SERGEF: variants seen among roughly 807,000 people sequenced by gnomAD.
SERGEF encodes secretion regulating guanine nucleotide exchange factor, also known as secretion-regulating guanine nucleotide exchange factor.
In SERGEF, 51 loss-of-function variants were observed where a neutral mutation model predicts 50.0. The ratio of observed to expected loss-of-function variants is 1.02; its 90% CI spans 0.81 to 1.29. The LOEUF is 1.29. Among genes scored for constraint, SERGEF ranks in the 50% most tolerant of loss-of-function variants. SERGEF has a pLI of 0.00. For missense variants in SERGEF, 521 were observed against 557.0 expected (o/e 0.94, Z 0.65); for synonymous variants, 205 against 212.4 (o/e 0.97, Z 0.30).
chr11:17,792,092 G>T (rs555653344), intron 10 of SERGEF, among the ~76,000 whole-genome samples: 154 of 152,260 alleles, frequency 1.0e-3, no homozygotes, highest in African/African-American at 3.7e-3. Flanking sequence ...AACTTGTTTT[G>T]CAGACCACTC....
At position 17,991,561 on chromosome 11, in the gene SERGEF, C is replaced by T. The variant is rs1470623241; in HGVS notation, c.685+1370G>A. Among the ~76,000 whole-genome samples, 1 of 152,174 alleles carries T rather than the reference C, an allele frequency of 6.6e-6. No homozygotes were observed. Among genetic ancestry groups the T allele is most frequent in the Non-Finnish European group, 1.5e-5 (1 of 68,036 alleles). On this transcript the variant is annotated intron_variant, in intron 7 of 10. Coordinates refer to ENST00000265965, the MANE Select transcript of SERGEF (RefSeq NM_012139.4). This position sits in a 1 kb window ranked among gnomAD's most constrained non-coding sequence, Gnocchi z 4.9. ...GTAAAAGGAAGGGAGGAACTGGATA[C>T]CCACTGGAGTCCCTTATAGTTGGCA... is the stretch of plus-strand genomic sequence containing the variant.
chr11:17,800,889 G>C (rs542235193), intron 10 of SERGEF, among the ~76,000 whole-genome samples: 2 of 152,182 alleles, frequency 1.3e-5, no homozygotes, highest in East Asian at 3.9e-4. Context: ...CCAAGGGAGA[G>C]GCAGGCCTTA....
intron 9 of SERGEF, among the ~76,000 whole-genome samples, chr11:17,890,025 CCAAA>C (rs1293500165): frequency 1.1e-5 from 1 of 92,620 alleles, no homozygotes; most frequent in Non-Finnish European, 2.1e-5. Flanking sequence ...TACACTTCAA[CCAAA>C]AAAAAAAAAA....
intron 10 of SERGEF, among the ~76,000 whole-genome samples, chr11:17,838,713 A>T (rs1490941716): frequency 6.6e-6 from 1 of 152,220 alleles, no homozygotes; most frequent in Non-Finnish European, 1.5e-5. Flanking sequence ...GTCTAGTGTG[A>T]GAATGAAAAC....
chr11:17,995,343 T>C (rs1853814276), intron 6 of SERGEF, among the ~76,000 whole-genome samples: 1 of 152,210 alleles, frequency 6.6e-6, no homozygotes, highest in Admixed American at 6.5e-5. Context: ...GTTCCCTCTT[T>C]GGGGTGTGCC....
intron 9 of SERGEF, among the ~76,000 whole-genome samples, chr11:17,941,480 C>T (rs941113116): frequency 7.2e-5 from 11 of 152,126 alleles, no homozygotes; most frequent in African/African-American, 1.2e-4. Flanking sequence ...CTTTTTAAGA[C>T]GGAATGATAT....
chr11:17,932,073 T>C (rs1352556809), intron 9 of SERGEF, among the ~76,000 whole-genome samples: 1 of 152,278 alleles, frequency 6.6e-6, no homozygotes, highest in Admixed American at 6.5e-5. Context: ...AAAACAGCTT[T>C]GTCAGAGAAG....
In SERGEF at chr11:17,878,247, G is replaced by GT. The variant is rs773988342; in HGVS notation, c.1012-4dup. On this transcript the variant is annotated splice_polypyrimidine_tract_variant and splice_region_variant and intron_variant, in intron 9 of 10. Transcript: ENST00000265965. ...TTATGCTCTGAGCCACAAGAGACCT[G>GT]TAAAAAAAAAAAAAGACAAAGAAAA... The GT allele has an allele frequency of 4.6e-6, 7 of 1,505,762 alleles. No individual in the cohort carries two copies. Among genetic ancestry groups the GT allele is most frequent in the South Asian group, 3.6e-5 (3 of 83,962 alleles). The allele number at this position is 1,505,762 out of a possible 1,614,324, so 93.3% of individuals were successfully genotyped here. A position where few individuals can be genotyped will look rare whatever the true frequency, so the allele number is the denominator to read the frequency against.
chr11:17,795,315 G>A (rs1169706375), intron 10 of SERGEF, among the ~76,000 whole-genome samples: 6 of 152,190 alleles, frequency 3.9e-5, no homozygotes, highest in Non-Finnish European at 8.8e-5. Flanking sequence ...GTCCTGCTGT[G>A]AGCAAGGAAT....
intron 10 of SERGEF, among the ~76,000 whole-genome samples, chr11:17,794,197 G>A (rs193183069): frequency 3.9e-5 from 6 of 152,338 alleles, no homozygotes; most frequent in Admixed American, 1.3e-4. Flanking sequence ...TGAGGGTCAA[G>A]CTGAAATGTT....
chr11:17,828,181 C>T (rs559076547), intron 10 of SERGEF, among the ~76,000 whole-genome samples: 11 of 152,266 alleles, frequency 7.2e-5, no homozygotes, highest in Admixed American at 3.9e-4. Context: ...GTGAGTAAGT[C>T]GGGAAGTTGA....
At position 17,985,307 on chromosome 11, in the gene SERGEF, G is replaced by A. The variant is rs188287420; in HGVS notation, c.844+3290C>T. Among the ~76,000 whole-genome samples, 7 of 152,330 alleles carry A rather than the reference G, an allele frequency of 4.6e-5. No homozygotes were observed. In the East Asian group the frequency reaches 1.3e-3, roughly 29 times the overall value. On this transcript the variant is annotated intron_variant, in intron 8 of 10. Coordinates refer to ENST00000265965, the MANE Select transcript of SERGEF (RefSeq NM_012139.4). ...ATTCGTTCATTTGAACATCATAGCAGCCCTATGTAGAATGCAGGCAGGTTT... is the reference window on the plus strand; with the variant it reads ...ATTCGTTCATTTGAACATCATAGCAACCCTATGTAGAATGCAGGCAGGTTT...
At chr11:17,914,375 G>T (rs1485932713) in intron 9 of SERGEF, among the ~76,000 whole-genome samples, 1 of 152,006 alleles carries the variant, frequency 6.6e-6, no homozygotes, top group Non-Finnish European at 1.5e-5. Context: ...ATGAATTTGG[G>T]GTAGGGCTTG....
At chr11:17,929,041 C>T (rs1283270720) in intron 9 of SERGEF, among the ~76,000 whole-genome samples, 3 of 152,192 alleles carry the variant, frequency 2.0e-5, no homozygotes, top group Admixed American at 1.3e-4. Flanking sequence ...TTCTCTATGT[C>T]ATAAACTAGG....
At chr11:17,931,894 T>C (rs1283336757) in intron 9 of SERGEF, among the ~76,000 whole-genome samples, 1 of 152,172 alleles carries the variant, frequency 6.6e-6, no homozygotes, top group Non-Finnish European at 1.5e-5. Context: ...CAAGTGATTC[T>C]GATGCATGCT....
At chr11:17,917,261 T>C (rs928698634) in intron 9 of SERGEF, among the ~76,000 whole-genome samples, 2 of 152,214 alleles carry the variant, frequency 1.3e-5, no homozygotes, top group African/African-American at 4.8e-5. Flanking sequence ...TTAATGACAT[T>C]TGCAGCAACC....
At chr11:17,964,209 A>G (rs1853071952) in intron 8 of SERGEF, among the ~76,000 whole-genome samples, 1 of 152,152 alleles carries the variant, frequency 6.6e-6, no homozygotes, top group Non-Finnish European at 1.5e-5. Flanking sequence ...CAAACATGTT[A>G]TCAAATAGTC....
At chr11:18,009,081 C>G (rs1204602347) in intron 1 of SERGEF, among the ~76,000 whole-genome samples, 2 of 152,022 alleles carry the variant, frequency 1.3e-5, no homozygotes, top group African/African-American at 4.8e-5. Flanking sequence ...TCCTCAAATC[C>G]CTTCCCCAAA....
chr11:17,842,437 TTTA>T (rs1850521512), intron 10 of SERGEF, among the ~76,000 whole-genome samples: 1 of 152,202 alleles, frequency 6.6e-6, no homozygotes, highest in South Asian at 2.1e-4. Flanking sequence ...CACAGTTACA[TTTA>T]TTGAGGATTT....
Sources: allele counts gnomAD v4.1 joint callset (sites outside exome capture counted in the v4.1 genomes callset), GRCh38; gene constraint gnomAD v4.1.1; non-coding constraint Gnocchi (gnomAD v3.1); transcripts MANE v1.5; gene names NCBI Gene and HGNC (gene_info 2026-07-23, HGNC 2026-07-21).